Variants in LRRC37A2 observed in about 807,000 individuals in gnomAD.
LRRC37A2 encodes leucine rich repeat containing 37 member A2.
In LRRC37A2, 9 loss-of-function variants were observed where a neutral mutation model predicts 68.8. That is an observed-to-expected ratio of 0.13 (90% CI 0.08 to 0.23). The LOEUF is 0.23. Ranked by LOEUF, LRRC37A2 falls within the 10% of genes least tolerant of loss-of-function variation. The pLI, the probability that LRRC37A2 is intolerant of heterozygous loss-of-function variation, is 1.00. For synonymous variants in LRRC37A2, 63 were observed against 367.6 expected (o/e 0.17, Z 9.48); for missense variants, 168 against 950.4 (o/e 0.18, Z 10.82).
chr17:46,793,797 C>T, the LRRC37A2 span, among the ~76,000 whole-genome samples: 4 of 152,198 alleles, frequency 2.6e-5, no homozygotes, highest in African/African-American at 9.6e-5. Context: ...CTCCATGAAT[C>T]CTCTCAACAG....
At chr17:46,741,192 G>A in the LRRC37A2 span, among the ~76,000 whole-genome samples, 1 of 152,154 alleles carries the variant, frequency 6.6e-6, no homozygotes, top group Non-Finnish European at 1.5e-5. Context: ...TCTCACCCCA[G>A]GTTTCTCATC....
chr17:46,849,917 G>A, the LRRC37A2 span, among the ~76,000 whole-genome samples: 1 of 147,654 alleles, frequency 6.8e-6, no homozygotes, highest in Non-Finnish European at 1.5e-5. Flanking sequence ...GCGTGATTTC[G>A]GCTCACTGCA....
the LRRC37A2 span, among the ~76,000 whole-genome samples, chr17:46,798,879 C>T: frequency 6.6e-6 from 1 of 152,040 alleles, no homozygotes; most frequent in Non-Finnish European, 1.5e-5. Context: ...GAAACCCCAT[C>T]TCTACTAAAA....
chr17:46,907,908 G>T, the LRRC37A2 span, among the ~76,000 whole-genome samples: 3 of 152,004 alleles, frequency 2.0e-5, no homozygotes, highest in South Asian at 2.1e-4. Flanking sequence ...AGACAAAAAG[G>T]CCCCATCAAT....
chr17:47,034,978 T>G, the LRRC37A2 span: 1 of 151,950 alleles, frequency 6.6e-6, no homozygotes, highest in Non-Finnish European at 1.5e-5. Context: ...CCATCTGGAA[T>G]AGGAAGAGGA....
the LRRC37A2 span, among the ~76,000 whole-genome samples, chr17:46,413,509 C>CAG: frequency 5.6e-4 from 13 of 23,234 alleles, 2 homozygotes; most frequent in Non-Finnish European, 5.7e-3. Context: ...CACACACACA[C>CAG]ACACACACAC....
the LRRC37A2 span, among the ~76,000 whole-genome samples, chr17:46,782,647 T>C: frequency 0.11 from 16,338 of 152,232 alleles, 2,406 homozygotes; most frequent in African/African-American, 0.34. Context: ...TTCAGGGGCA[T>C]GTGTGCACAC....
At chr17:46,880,364 G>A in the LRRC37A2 span, among the ~76,000 whole-genome samples, 1 of 152,126 alleles carries the variant, frequency 6.6e-6, no homozygotes, top group African/African-American at 2.4e-5. Context: ...AATAACAATG[G>A]AAGCCATCAC....
the LRRC37A2 span, among the ~76,000 whole-genome samples, chr17:46,691,349 C>T: frequency 1.0e-5 from 1 of 99,232 alleles, no homozygotes; most frequent in Non-Finnish European, 2.0e-5. Flanking sequence ...AATCCCAGCA[C>T]TTTGGGAGGC....
the LRRC37A2 span, chr17:46,935,243 A>T: frequency 8.1e-6 from 13 of 1,609,650 alleles, 1 homozygote; most frequent in Non-Finnish European, 1.1e-5. Context: ...AACTGTGTTT[A>T]TATTTTGATT....
At chr17:46,895,917 T>C in the LRRC37A2 span, among the ~76,000 whole-genome samples, 2 of 151,870 alleles carry the variant, frequency 1.3e-5, no homozygotes, top group South Asian at 2.1e-4. Flanking sequence ...GGTGGGAGCC[T>C]GGTGCTGGGC....
intron 8 of LRRC37A2, among the ~76,000 whole-genome samples, chr17:46,542,903 T>G (rs1465145084): frequency 6.7e-6 from 1 of 149,992 alleles, no homozygotes; most frequent in Non-Finnish European, 1.5e-5. Context: ...CATTTAGCAC[T>G]CTGCTCCGTT....
At chr17:46,913,332 G>A in the LRRC37A2 span, among the ~76,000 whole-genome samples, 1 of 152,260 alleles carries the variant, frequency 6.6e-6, no homozygotes, top group Non-Finnish European at 1.5e-5. Flanking sequence ...ATGCAGGGAT[G>A]TAAGACACAT....
the LRRC37A2 span, among the ~76,000 whole-genome samples, chr17:46,805,478 C>G: frequency 6.6e-6 from 1 of 152,182 alleles, no homozygotes; most frequent in Non-Finnish European, 1.5e-5. Context: ...GAGGCTGAGG[C>G]AGGAGAATCG....
the LRRC37A2 span, chr17:46,940,779 A>C: frequency 9.9e-6 from 15 of 1,515,806 alleles, no homozygotes; most frequent in Non-Finnish European, 1.2e-5. Context: ...AGTTTGGAAT[A>C]AAAATTGCAG....
At chr17:46,951,307 C>A in the LRRC37A2 span, among the ~76,000 whole-genome samples, 1 of 152,182 alleles carries the variant, frequency 6.6e-6, no homozygotes, top group Non-Finnish European at 1.5e-5. Flanking sequence ...CCACAGGTTA[C>A]CCATTGGACC....
the LRRC37A2 span, among the ~76,000 whole-genome samples, chr17:46,959,064 A>G: frequency 6.6e-6 from 1 of 152,348 alleles, no homozygotes. Flanking sequence ...TAACAGGCAG[A>G]GGAGTTTCCT....
At chr17:46,747,123 T>G in the LRRC37A2 span, among the ~76,000 whole-genome samples, 1 of 152,208 alleles carries the variant, frequency 6.6e-6, no homozygotes, top group South Asian at 2.1e-4. Flanking sequence ...GACACAGTAT[T>G]TCCATTCATA....
At chr17:46,721,886 A>C in the LRRC37A2 span, 1 of 1,588,980 alleles carries the variant, frequency 6.3e-7, no homozygotes, top group Non-Finnish European at 8.6e-7. Flanking sequence ...CTGAGCGATA[A>C]AGACGACATG....
Sources: allele counts gnomAD v4.1 joint callset (sites outside exome capture counted in the v4.1 genomes callset), GRCh38; gene constraint gnomAD v4.1.1; transcripts MANE v1.5; gene names NCBI Gene and HGNC (gene_info 2026-07-23, HGNC 2026-07-21).